The following OARD1 variants were observed in gnomAD, a reference collection of about 807,000 sequenced individuals.
OARD1 encodes the protein ADP-ribose glycohydrolase OARD1.
A neutral mutation model predicts 19.7 loss-of-function variants in OARD1; 19 were observed. The observed-to-expected ratio is 0.96, with a 90% CI of 0.67 to 1.41. The LOEUF (loss-of-function observed/expected upper bound fraction) is 1.41. Ranked by LOEUF, OARD1 falls within the 40% of genes most tolerant of loss-of-function variation. OARD1 has a pLI of 0.00. For synonymous variants in OARD1, 70 were observed against 61.8 expected (o/e 1.13, Z -0.62); for missense variants, 190 against 183.8 (o/e 1.03, Z -0.20).
In OARD1 at chr6:41,066,443, TA is replaced by T. The variant is rs1447438473; in HGVS notation, c.*891del. 1 of 152,328 alleles carries T rather than the reference TA, an allele frequency of 6.6e-6. No individual in the cohort carries two copies. The highest frequency in any genetic ancestry group is 3.4e-3 in the Middle Eastern group (1 of 294). 9.4% of individuals were successfully genotyped at this position (152,328 alleles called of 1,614,324 possible). A position where few individuals can be genotyped will look rare whatever the true frequency, so the allele number is the denominator to read the frequency against. ...GAATTTTTTGAGAGGAAGTGGCCTTTATTTTTTTAAAGAAGACTCATAAGGA... is the reference window on the plus strand; with the variant it reads ...GAATTTTTTGAGAGGAAGTGGCCTTTTTTTTTTAAAGAAGACTCATAAGGA... On this transcript the variant is annotated 3_prime_UTR_variant, in exon 6 of 6. Coordinates refer to ENST00000424266, the MANE Select transcript of OARD1 (RefSeq NM_001329686.2).
intron 1 of OARD1, chr6:41,071,889 C>T: frequency 2.0e-6 from 1 of 496,672 alleles, no homozygotes; most frequent in Non-Finnish European, 3.6e-6. Context: ...TCATTTCGTG[C>T]TTTCCTGGAG....
upstream of OARD1, among the ~76,000 whole-genome samples, chr6:41,072,779 C>T (rs1487187889): frequency 6.6e-6 from 1 of 152,232 alleles, no homozygotes; most frequent in African/African-American, 2.4e-5. Context: ...GTCTGGAAAG[C>T]GCCTGCGTAT....
At chr6:41,096,397 C>T (rs1323145142) in intron 1 of OARD1, among the ~76,000 whole-genome samples, 2 of 152,222 alleles carry the variant, frequency 1.3e-5, no homozygotes, top group Admixed American at 1.3e-4. Context: ...GAACTCTCCT[C>T]ATTCTGTGTG....
intron 1 of OARD1, chr6:41,091,548 A>G (rs777857393): frequency 8.7e-6 from 14 of 1,614,006 alleles, no homozygotes; most frequent in Non-Finnish European, 1.2e-5. Flanking sequence ...TGTTTCAGGC[A>G]TGATCACTAT....
At chr6:41,071,987 G>A (rs1763446741) in intron 1 of OARD1, 1 of 339,986 alleles carries the variant, frequency 2.9e-6, no homozygotes, top group Non-Finnish European at 5.5e-6. Context: ...GGCCGATTTA[G>A]GACGGTCTCC....
At chr6:41,068,256 G>C (rs1763127679) in intron 5 of OARD1, among the ~76,000 whole-genome samples, 1 of 152,070 alleles carries the variant, frequency 6.6e-6, no homozygotes, top group Non-Finnish European at 1.5e-5. Flanking sequence ...AAAGAGGTGA[G>C]GCCCATTTCC....
intron 1 of OARD1, chr6:41,079,293 GCTTGTGC>G: frequency 1.2e-6 from 1 of 829,208 alleles, no homozygotes; most frequent in Non-Finnish European, 1.9e-6. Flanking sequence ...GGGTCTGATG[GCTTGTGC>G]TGAAATGCCA....
rs554933218 is a variant in OARD1, at chr6:41,072,265, G to C, written c.-71C>G. On this transcript the variant is annotated 5_prime_UTR_variant, in exon 1 of 6. Transcript: ENST00000424266. ...GGGCGGGTCAGCGAGGACGCAGTCT[G>C]TCCTGGGGTCCTATGGGAGGGTGCG... The C allele has an allele frequency of 1.1e-4, 17 of 152,608 alleles. No homozygotes were observed. Among genetic ancestry groups the C allele is most frequent in the Non-Finnish European group, 1.6e-4 (11 of 68,312 alleles). The allele number at this position is 152,608 out of a possible 1,614,324, so 9.5% of individuals were successfully genotyped here.
upstream of OARD1, among the ~76,000 whole-genome samples, chr6:41,076,225 T>C (rs372319597): frequency 7.2e-5 from 11 of 152,228 alleles, no homozygotes; most frequent in African/African-American, 2.2e-4. Flanking sequence ...CTGGGTAGCA[T>C]AGGGAGACCC....
Position 41,092,235 on chromosome 6 carries a change from A to C in OARD1, c.-42+5478T>G, listed in dbSNP as rs533808845. 7.0e-4 allele frequency among the ~76,000 whole-genome samples: 107 copies of C among 152,310 alleles called. No homozygotes were observed. In the Middle Eastern group the frequency reaches 0.014, roughly 19 times the overall value. ...AGAGGTGGAGGAAGCTATGAAAAGAAACAGAACCAACCCTGGCTCAGTGGC... is the reference window on the plus strand; with the variant it reads ...AGAGGTGGAGGAAGCTATGAAAAGACACAGAACCAACCCTGGCTCAGTGGC... On this transcript the variant is annotated intron_variant, in intron 1 of 4. Transcript: ENST00000480585.
chr6:41,075,015 C>G (rs1229699043), upstream of OARD1, among the ~76,000 whole-genome samples: 1 of 152,188 alleles, frequency 6.6e-6, no homozygotes, highest in East Asian at 1.9e-4. Flanking sequence ...TTCCAGTGCT[C>G]TTTCATTACT....
chr6:41,072,353 T>A lies in OARD1; in HGVS notation c.-159A>T, dbSNP rs1329935119. 1 of 152,326 alleles carries A rather than the reference T, an allele frequency of 6.6e-6. No individual in the cohort carries two copies. Among genetic ancestry groups the A allele is most frequent in the Non-Finnish European group, 1.5e-5 (1 of 68,156 alleles). The allele number at this position is 152,326 out of a possible 1,614,324, so 9.4% of individuals were successfully genotyped here. The stretch of plus-strand genomic sequence containing the variant: ...CCTTCACCTGGAAAGGAGTCGGTTG[T>A]TTGGAGGTCCCCGCCCCGCGGGGAA... On this transcript the variant is annotated 5_prime_UTR_variant, in exon 1 of 6. Transcript: ENST00000424266.
In OARD1 at chr6:41,071,656, G is replaced by A. The variant is rs754069983; in HGVS notation, c.-22C>T. 9.3e-6 allele frequency: 15 copies of A among 1,607,140 alleles called. No individual in the cohort carries two copies. The highest frequency in any genetic ancestry group is 1.3e-5 in the Non-Finnish European group (15 of 1,173,770). On this transcript the variant is annotated 5_prime_UTR_variant, in exon 2 of 6. Transcript: ENST00000424266. The stretch of plus-strand genomic sequence containing the variant: ...CCATGATACTGAGTCGCTATTTCCA[G>A]AATTTAAGTGTTTCTTCAGCTATGA...
At chr6:41,095,087 T>C (rs1446304841) in intron 1 of OARD1, among the ~76,000 whole-genome samples, 5 of 152,204 alleles carry the variant, frequency 3.3e-5, no homozygotes. Flanking sequence ...TGTTCCCCTC[T>C]AGCCTACTCT....
At chr6:41,068,124 A>T (rs1047052090) in intron 5 of OARD1, among the ~76,000 whole-genome samples, 3 of 152,244 alleles carry the variant, frequency 2.0e-5, no homozygotes, top group Non-Finnish European at 4.4e-5. Flanking sequence ...TACACCATAA[A>T]TATATCAAAG....
At chr6:41,094,549 G>C (rs756696494) in intron 1 of OARD1, 5 of 1,430,272 alleles carry the variant, frequency 3.5e-6, no homozygotes, top group South Asian at 1.2e-5. Flanking sequence ...GTATTGACTT[G>C]AGTTGAAGCC....
At chr6:41,070,609 A>G (rs902265726) in intron 3 of OARD1, among the ~76,000 whole-genome samples, 1 of 152,256 alleles carries the variant, frequency 6.6e-6, no homozygotes, top group Non-Finnish European at 1.5e-5. Context: ...AAATAACTAT[A>G]ATACAAAGCA....
upstream of OARD1, chr6:41,072,465 A>G (rs1034319521): frequency 2.0e-5 from 3 of 152,310 alleles, no homozygotes; most frequent in Admixed American, 2.0e-4. Flanking sequence ...AATTGCACGC[A>G]TCTAAGATGG....
upstream of OARD1, among the ~76,000 whole-genome samples, chr6:41,074,549 A>G (rs752603501): frequency 6.6e-6 from 1 of 152,252 alleles, no homozygotes; most frequent in African/African-American, 2.4e-5. Context: ...ATTCTTCCAC[A>G]GGAAAGATGG....
Sources: allele counts gnomAD v4.1 joint callset (sites outside exome capture counted in the v4.1 genomes callset), GRCh38; gene constraint gnomAD v4.1.1; transcripts MANE v1.5; gene names NCBI Gene and HGNC (gene_info 2026-07-23, HGNC 2026-07-21).